ARHGAP18: variants seen among roughly 807,000 people sequenced by gnomAD.
ARHGAP18 encodes the protein rho GTPase-activating protein 18.
Under a neutral mutation model 86.2 loss-of-function variants are expected in ARHGAP18, and 67 were observed. That is an observed-to-expected ratio of 0.78 (90% CI 0.64 to 0.95). The LOEUF (loss-of-function observed/expected upper bound fraction) is 0.95. Ranked by LOEUF, ARHGAP18 falls within the 40% of genes least tolerant of loss-of-function variation. The probability of loss-of-function intolerance (pLI) is 0.00; values close to 1 mark genes in which losing one functional copy is unlikely to be tolerated. For missense variants in ARHGAP18, 691 were observed against 780.4 expected (o/e 0.89, Z 1.37); for synonymous variants, 283 against 280.4 (o/e 1.01, Z -0.09).
At chr6:129,628,246 G>A (rs540170678) in intron 5 of ARHGAP18, among the ~76,000 whole-genome samples, 4 of 152,288 alleles carry the variant, frequency 2.6e-5, no homozygotes, top group Admixed American at 2.6e-4. Context: ...CAAGTCTGCA[G>A]GGAGAAAATT....
chr6:129,597,596 T>C (rs1050474058), intron 12 of ARHGAP18, among the ~76,000 whole-genome samples: 5 of 152,110 alleles, frequency 3.3e-5, no homozygotes, highest in Non-Finnish European at 5.9e-5. Flanking sequence ...CCCTTCTATA[T>C]GCCTTCTCCT....
chr6:129,673,099 C>G (rs998205461), intron 1 of ARHGAP18, among the ~76,000 whole-genome samples: 1 of 152,162 alleles, frequency 6.6e-6, no homozygotes, highest in African/African-American at 2.4e-5. Flanking sequence ...ACAGACCTTT[C>G]AAAAGATCAG....
intron 5 of ARHGAP18, among the ~76,000 whole-genome samples, chr6:129,620,417 T>C (rs1279428961): frequency 1.3e-5 from 2 of 152,382 alleles, no homozygotes; most frequent in Non-Finnish European, 1.5e-5. Context: ...GGGACTAAGA[T>C]GTTGCTTCAT....
intron 1 of ARHGAP18, among the ~76,000 whole-genome samples, chr6:129,654,526 A>T (rs1773786950): frequency 6.6e-6 from 1 of 152,148 alleles, no homozygotes; most frequent in South Asian, 2.1e-4. Flanking sequence ...TTCCCACTTA[A>T]CCAAAAGCAA....
intron 3 of ARHGAP18, among the ~76,000 whole-genome samples, chr6:129,637,253 T>G (rs757538505): frequency 6.6e-6 from 1 of 152,114 alleles, no homozygotes; most frequent in Non-Finnish European, 1.5e-5. Context: ...TTTGTAGAGA[T>G]TGGGTTTTGC....
chr6:129,616,726 T>C (rs1041491168), intron 6 of ARHGAP18, among the ~76,000 whole-genome samples: 14 of 152,118 alleles, frequency 9.2e-5, no homozygotes, highest in Non-Finnish European at 1.5e-5. Context: ...GGTGGGAGGA[T>C]TGCTTGAGCC....
chr6:129,686,788 CTTTTTT>C (rs553951472), intron 1 of ARHGAP18, among the ~76,000 whole-genome samples: 2 of 117,492 alleles, frequency 1.7e-5, no homozygotes, highest in African/African-American at 5.9e-5. Context: ...CTAATAAAAC[CTTTTTT>C]TTTTTTTTTT....
At chr6:129,618,910 G>A (rs1317172716) in intron 5 of ARHGAP18, 58 bp from the exon 6 acceptor site, 5 of 1,479,002 alleles carry the variant, frequency 3.4e-6, no homozygotes, top group African/African-American at 1.4e-5. Context: ...CCATTGTAAT[G>A]CAGGAAGGAA....
chr6:129,666,834 C>T (rs1467575622), intron 1 of ARHGAP18, among the ~76,000 whole-genome samples: 1 of 152,176 alleles, frequency 6.6e-6, no homozygotes, highest in Non-Finnish European at 1.5e-5. Context: ...AATAAGGTTA[C>T]AAGTCTTAGT....
chr6:129,708,611 C>T (rs1286867808), intron 1 of ARHGAP18, among the ~76,000 whole-genome samples: 1 of 152,296 alleles, frequency 6.6e-6, no homozygotes, highest in Admixed American at 6.5e-5. Flanking sequence ...TTTCCATTCT[C>T]ACAATCAAGA....
intron 6 of ARHGAP18, among the ~76,000 whole-genome samples, chr6:129,616,676 A>G (rs1041776235): frequency 5.9e-5 from 9 of 152,228 alleles, no homozygotes; most frequent in African/African-American, 1.9e-4. Context: ...GGCCAGGTGC[A>G]GTGGCTTATG....
chr6:129,631,904 G>C (rs1773226649), intron 4 of ARHGAP18, among the ~76,000 whole-genome samples: 1 of 151,748 alleles, frequency 6.6e-6, no homozygotes, highest in Non-Finnish European at 1.5e-5. Flanking sequence ...GCCTTTAATA[G>C]AGTTTATGAT....
intron 1 of ARHGAP18, among the ~76,000 whole-genome samples, chr6:129,645,935 G>A (rs895847746): frequency 1.3e-5 from 2 of 152,040 alleles, no homozygotes; most frequent in South Asian, 2.1e-4. Context: ...CCATTTTCCC[G>A]TGATACATTT....
intron 1 of ARHGAP18, among the ~76,000 whole-genome samples, chr6:129,707,878 C>T (rs1019544890): frequency 1.3e-5 from 2 of 151,982 alleles, no homozygotes; most frequent in African/African-American, 2.4e-5. Context: ...CAACCATCAA[C>T]CTTGCACCTT....
At chr6:129,594,535 A>G (rs1341118209) in intron 12 of ARHGAP18, among the ~76,000 whole-genome samples, 1 of 152,120 alleles carries the variant, frequency 6.6e-6, no homozygotes, top group Non-Finnish European at 1.5e-5. Flanking sequence ...CTTCAACAAC[A>G]ATCTCTAGGC....
At chr6:129,585,817 TAATTCCAACCTCCC>T (rs1390709736) in intron 12 of ARHGAP18, among the ~76,000 whole-genome samples, 1 of 152,204 alleles carries the variant, frequency 6.6e-6, no homozygotes, top group African/African-American at 2.4e-5. Context: ...AAGGACAACC[TAATTCCAACCTCCC>T]AATTCCAAGC....
chr6:129,624,373 A>AC (rs1238551316), intron 5 of ARHGAP18, among the ~76,000 whole-genome samples: 1 of 151,884 alleles, frequency 6.6e-6, no homozygotes, highest in Non-Finnish European at 1.5e-5. Context: ...TACTAAAAAT[A>AC]TAAAAAATTA....
chr6:129,679,276 T>C (rs957583765), intron 1 of ARHGAP18, among the ~76,000 whole-genome samples: 2 of 152,254 alleles, frequency 1.3e-5, no homozygotes, highest in Non-Finnish European at 2.9e-5. Context: ...GTGCCATCTG[T>C]CATCTGGACA....
In ARHGAP18 at chr6:129,608,064, G is replaced by GATA; in HGVS notation, c.1123-13_1123-12insTAT. 1.0e-6 allele frequency: 1 copy of GATA among 981,368 alleles called. No homozygotes were observed. Among genetic ancestry groups the GATA allele is most frequent in the Non-Finnish European group, 1.2e-6 (1 of 804,712 alleles). The allele number at this position is 981,368 out of a possible 1,614,324, so 60.8% of individuals were successfully genotyped here. ...TCTTGGCAAAGATTCTGATAGGCAC[G>GATA]AAAAAAAAAAAAAAAAAAAAAAGAA... is the stretch of plus-strand genomic sequence containing the variant. On this transcript the variant is annotated splice_polypyrimidine_tract_variant and intron_variant, in intron 8 of 14. Transcript: ENST00000368149.
Sources: gnomAD v4.1 joint callset for allele counts (sites outside exome capture counted in the v4.1 genomes callset) on GRCh38, gnomAD v4.1.1 for gene constraint, MANE v1.5 for transcripts, NCBI Gene and HGNC (gene_info 2026-07-23, HGNC 2026-07-21) for gene names.